The following TCOF1 variants were observed in gnomAD, a reference collection of about 807,000 sequenced individuals.
The protein encoded by TCOF1 is treacle ribosome biogenesis factor 1.
In TCOF1, 33 loss-of-function variants were observed where a neutral mutation model predicts 149.0. That is an observed-to-expected ratio of 0.22 (90% CI 0.17 to 0.30). The LOEUF (loss-of-function observed/expected upper bound fraction) is 0.30. Among genes scored for constraint, TCOF1 ranks in the 10% least tolerant of loss-of-function variants. The pLI is 1.00. For synonymous variants in TCOF1, 789 were observed against 738.8 expected (o/e 1.07, Z -1.10); for missense variants, 1,728 against 1,840.7 (o/e 0.94, Z 1.12).
chr5:150,373,770 C>T (rs1209648579), intron 7 of TCOF1, among the ~76,000 whole-genome samples: 1 of 152,236 alleles, frequency 6.6e-6, no homozygotes, highest in Non-Finnish European at 1.5e-5. Context: ...CTCCCCACAG[C>T]CCAGTCTGAT....
In TCOF1 at chr5:150,376,483, T is replaced by C; in HGVS notation, c.2203T>C (p.Leu735=). 1 of 1,614,150 alleles carries C rather than the reference T, an allele frequency of 6.2e-7. No individual in the cohort carries two copies. The highest frequency in any genetic ancestry group is 8.5e-7 in the Non-Finnish European group (1 of 1,180,002). ...KAASVPVKGS[L]GQGTAPVLPG... is the part of the protein sequence containing the mutation. Reference sequence around the variant, plus strand: ...AGCCTCAGTGCCTGTCAAGGGGTCCTTGGGGCAAGGGACTGCTCCAGTACT... The same window carrying C: ...AGCCTCAGTGCCTGTCAAGGGGTCCCTGGGGCAAGGGACTGCTCCAGTACT... Residue 735 remains leucine, a synonymous_variant, in exon 14 of 27, where the codon TTG becomes CTG. Transcript: ENST00000643257.
chr5:150,366,389 C>T (rs1186900426), intron 3 of TCOF1, among the ~76,000 whole-genome samples: 1 of 152,112 alleles, frequency 6.6e-6, no homozygotes, highest in Non-Finnish European at 1.5e-5. Context: ...GAGAGAGAAA[C>T]ATGCTGAAGT....
chr5:150,373,805 G>T (rs1191350173), intron 7 of TCOF1, among the ~76,000 whole-genome samples: 3 of 152,184 alleles, frequency 2.0e-5, no homozygotes, highest in African/African-American at 4.8e-5. Flanking sequence ...GCCAGTGCCT[G>T]TGCCTCCAGA....
At chr5:150,393,203 C>A in intron 22 of TCOF1, 169 bp from the exon 23 acceptor site, 1 of 753,800 alleles carries the variant, frequency 1.3e-6, no homozygotes, top group Non-Finnish European at 2.3e-6. Context: ...AGGCACACGC[C>A]AAGGGCTGAA....
intron 3 of TCOF1, among the ~76,000 whole-genome samples, chr5:150,366,044 C>T (rs1761273092): frequency 6.6e-6 from 1 of 151,656 alleles, no homozygotes; most frequent in South Asian, 2.1e-4. Context: ...ATTACTTGAG[C>T]CCAGGAGGTC....
rs745852521 is a variant in TCOF1, at chr5:150,392,110, G to A, written c.3451G>A (p.Asp1151Asn). 1.6e-5 allele frequency: 26 copies of A among 1,614,248 alleles called. No individual in the cohort carries two copies. Among genetic ancestry groups the A allele is most frequent in the South Asian group, 1.2e-4 (11 of 91,082 alleles). ...CTCAGATGACAGTGAGGACAGCAGCGACAGTTCTTCAGGGAGTGAGGAAGA... is the reference window on the plus strand; with the variant it reads ...CTCAGATGACAGTGAGGACAGCAGCAACAGTTCTTCAGGGAGTGAGGAAGA... ...ESSDDSEDSS[D>N]SSSGSEEDGE... Residue 1151 changes from aspartate (D) to asparagine (N), a missense_variant, in exon 21 of 27, where the codon GAC (aspartate) becomes AAC (asparagine). By Grantham distance (23) the Asp-to-Asn change is conservative (BLOSUM62 1). Around this residue, in one of 2 missense-constraint regions of TCOF1, gnomAD observed 1,696 missense variants for 1,765.4 expected, o/e 0.96. Transcript: ENST00000643257.
intron 14 of TCOF1, 105 bp from the exon 15 acceptor site, chr5:150,378,800 G>C (rs1408579225): frequency 4.5e-6 from 7 of 1,546,246 alleles, no homozygotes; most frequent in Non-Finnish European, 6.2e-6. Context: ...TTGCATGGAG[G>C]AGCCAGAATC....
chr5:150,371,673 C>T (rs1046030952), intron 6 of TCOF1, among the ~76,000 whole-genome samples: 1 of 152,192 alleles, frequency 6.6e-6, no homozygotes, highest in Non-Finnish European at 1.5e-5. Context: ...GATGCGCTCT[C>T]CTGATTGAGA....
intron 17 of TCOF1, chr5:150,384,533 C>T: frequency 2.0e-6 from 2 of 985,482 alleles, no homozygotes; most frequent in Non-Finnish European, 2.4e-6. Flanking sequence ...TACGAGGCCA[C>T]CTGCCTCTCT....
Position 150,374,675 on chromosome 5 carries a change from C to T in TCOF1, c.1142C>T (p.Ser381Phe), listed in dbSNP as rs748059590. The change falls in exon 9 of 27, where the codon TCC (serine) becomes TTC (phenylalanine). Residue 381 changes from serine (S) to phenylalanine (F), a missense_variant. This residue lies in a region of TCOF1 where 1,696 missense variants were observed against 1,765.4 expected (regional missense o/e 0.96). Coordinates refer to ENST00000643257, the MANE Select transcript of TCOF1 (RefSeq NM_001371623.1). The part of the protein sequence containing the change: ...VGAASAPAKE[S>F]PRKGAAPAPP... ...GCTGCCTCAGCCCCTGCCAAGGAGTCCCCCAGGAAAGGAGCTGCCCCAGCG... is the reference window on the plus strand; with the variant it reads ...GCTGCCTCAGCCCCTGCCAAGGAGTTCCCCAGGAAAGGAGCTGCCCCAGCG... 11 of 1,613,910 alleles carry T rather than the reference C, an allele frequency of 6.8e-6. No homozygotes were observed. Among genetic ancestry groups the T allele is most frequent in the Non-Finnish European group, 9.3e-6 (11 of 1,179,998 alleles).
Position 150,378,888 on chromosome 5 carries a change from C to T in TCOF1, c.2341-17C>T, listed in dbSNP as rs767958368. 7 of 1,613,896 alleles carry T rather than the reference C, an allele frequency of 4.3e-6. No individual in the cohort carries two copies. In the East Asian group the frequency reaches 6.7e-5, roughly 15 times the overall value. ...AATCTCACCTTCTCCCTCCTTAATT[C>T]CCTTTTCTCCACTCAGGTGAAAACC... On this transcript the variant is annotated splice_polypyrimidine_tract_variant and intron_variant, in intron 14 of 26. Coordinates refer to ENST00000643257, the MANE Select transcript of TCOF1 (RefSeq NM_001371623.1).
Position 150,392,020 on chromosome 5 carries a change from G to C in TCOF1, c.3361G>C (p.Gly1121Arg). ...SPQSTSVQAK[G>R]TNKLRKPKLP... ...CCAGAGCACCTCCGTCCAGGCCAAAGGGACCAACAAGCTCAGAAAACCTAA... is the reference window on the plus strand; with the variant it reads ...CCAGAGCACCTCCGTCCAGGCCAAACGGACCAACAAGCTCAGAAAACCTAA... Residue 1121 changes from glycine (G) to arginine (R), a missense_variant, in exon 21 of 27, where the codon GGG becomes CGG. Physicochemically the swap from Gly to Arg is moderately radical, Grantham distance 125 (BLOSUM62 -2). Coordinates refer to ENST00000643257, the MANE Select transcript of TCOF1 (RefSeq NM_001371623.1). The C allele has an allele frequency of 1.9e-6, 3 of 1,614,224 alleles. No homozygotes were observed. Among genetic ancestry groups the C allele is most frequent in the Non-Finnish European group, 2.5e-6 (3 of 1,180,048 alleles).
At chr5:150,387,877 G>A (rs1408626967) in intron 17 of TCOF1, 25 bp from the exon 18 acceptor site, 1 of 1,613,454 alleles carries the variant, frequency 6.2e-7, no homozygotes, top group Non-Finnish European at 8.5e-7. Flanking sequence ...ATCACTGGGG[G>A]GGTGTTTTGT....
At chr5:150,392,473 G>A in intron 21 of TCOF1, 1 of 609,696 alleles carries the variant, frequency 1.6e-6, no homozygotes, top group East Asian at 2.8e-5. Context: ...AATAGAAATG[G>A]GGCCTCAGGA....
At chr5:150,363,497 T>G (rs1335961249) in intron 2 of TCOF1, among the ~76,000 whole-genome samples, 1 of 152,216 alleles carries the variant, frequency 6.6e-6, no homozygotes, top group East Asian at 1.9e-4. Context: ...AGTCACTTAG[T>G]TGTTCAGTTT....
At chr5:150,359,663 G>A (rs879735719) in intron 1 of TCOF1, among the ~76,000 whole-genome samples, 3 of 152,146 alleles carry the variant, frequency 2.0e-5, no homozygotes, top group South Asian at 2.1e-4. Flanking sequence ...TCTTCCTACC[G>A]CAGCTATGGT....
chr5:150,395,434 G>A (rs772396855), intron 23 of TCOF1, among the ~76,000 whole-genome samples: 1 of 152,174 alleles, frequency 6.6e-6, no homozygotes, highest in Non-Finnish European at 1.5e-5. Context: ...GCTGCAGCTT[G>A]CCCCAGGCTG....
rs1769445056 is a variant in TCOF1, at chr5:150,399,995, AG to A, written c.*209del. 2 of 152,412 alleles carry A rather than the reference AG, an allele frequency of 1.3e-5. No individual in the cohort carries two copies. Among genetic ancestry groups the A allele is most frequent in the Admixed American group, 6.5e-5 (1 of 15,280 alleles). The allele number at this position is 152,412 out of a possible 1,614,324, so 9.4% of individuals were successfully genotyped here. A position where few individuals can be genotyped will look rare whatever the true frequency, so the allele number is the denominator to read the frequency against. ...GGCTGGTCCAAGGAGAAAGTGGACC[AG>A]CTCCCATGACCTCACCCCACTCCCC... On this transcript the variant is annotated 3_prime_UTR_variant, in exon 27 of 27. Coordinates refer to ENST00000643257, the MANE Select transcript of TCOF1 (RefSeq NM_001371623.1).
At chr5:150,374,454 C>T in intron 8 of TCOF1, 68 bp downstream of exon 8, 3 of 1,548,224 alleles carry the variant, frequency 1.9e-6, no homozygotes, top group Non-Finnish European at 1.7e-6. Flanking sequence ...AGGACTTGTT[C>T]TCCCACTCTG....
Sources: gnomAD v4.1 joint callset for allele counts (sites outside exome capture counted in the v4.1 genomes callset) on GRCh38, gnomAD v4.1.1 for gene constraint, gnomAD v4.1.1 regional missense constraint, MANE v1.5 for transcripts, NCBI Gene and HGNC (gene_info 2026-07-23, HGNC 2026-07-21) for gene names.